The following VPS45 variants were observed in gnomAD, a reference collection of about 807,000 sequenced individuals.
VPS45 encodes the protein vacuolar protein sorting-associated protein 45.
VPS45 carries 35 observed loss-of-function variants against 75.9 expected under a neutral mutation model. The observed-to-expected ratio is 0.46, with a 90% CI of 0.35 to 0.61. The LOEUF (loss-of-function observed/expected upper bound fraction) is 0.61, where lower values mean the gene tolerates loss of function less well. VPS45 is among the 20% of genes least tolerant of loss of function. The pLI is 0.00. For missense variants in VPS45, 559 were observed against 685.9 expected (o/e 0.81, Z 2.07); for synonymous variants, 220 against 238.2 (o/e 0.92, Z 0.70).
At chr1:150,127,250 G>A (rs782292585) in intron 14 of VPS45, among the ~76,000 whole-genome samples, 5 of 151,894 alleles carry the variant, frequency 3.3e-5, no homozygotes, top group Non-Finnish European at 7.4e-5. Flanking sequence ...ATGTGGCCAC[G>A]AGAACATTTG....
intron 14 of VPS45, among the ~76,000 whole-genome samples, chr1:150,131,689 A>AAAAG (rs1157836611): frequency 1.3e-5 from 2 of 150,926 alleles, no homozygotes; most frequent in African/African-American, 4.9e-5. Flanking sequence ...AAAAAAAAAA[A>AAAAG]AGTATTTTTA....
chr1:150,086,620 A>G (rs1265921280), intron 10 of VPS45, among the ~76,000 whole-genome samples: 2 of 152,276 alleles, frequency 1.3e-5, no homozygotes, highest in South Asian at 2.1e-4. Flanking sequence ...CTAAAACAAC[A>G]TTTAGCCAGT....
chr1:150,105,866 C>G (rs1553805597), intron 13 of VPS45, among the ~76,000 whole-genome samples: 1 of 152,018 alleles, frequency 6.6e-6, no homozygotes, highest in African/African-American at 2.4e-5. Flanking sequence ...TATTATAAGG[C>G]TACAGTAACT....
chr1:150,095,273 G>A (rs1319444602), intron 13 of VPS45, among the ~76,000 whole-genome samples: 2 of 152,164 alleles, frequency 1.3e-5, no homozygotes, highest in Non-Finnish European at 2.9e-5. Context: ...TTTAGATGGA[G>A]AGAGAACCTC....
At chr1:150,125,154 A>G (rs185095792) in intron 14 of VPS45, among the ~76,000 whole-genome samples, 2,129 of 144,648 alleles carry the variant, frequency 0.015, 50 homozygotes, top group African/African-American at 0.053. Context: ...TTTAATTGAC[A>G]TGTAATAATT....
intron 13 of VPS45, among the ~76,000 whole-genome samples, chr1:150,104,666 C>T (rs587648118): frequency 2.6e-4 from 39 of 152,252 alleles, no homozygotes; most frequent in Non-Finnish European, 5.3e-4. Context: ...CCTTCCCAGG[C>T]TCAAGTGATC....
chr1:150,067,480 A>C (rs893235392), upstream of VPS45: 5 of 224,404 alleles, frequency 2.2e-5, no homozygotes, highest in Admixed American at 5.6e-5. Context: ...CTTCCAAGCA[A>C]ACCTTGTGCC....
At chr1:150,082,026 A>G in intron 9 of VPS45, 29 bp downstream of exon 9, 3 of 1,408,842 alleles carry the variant, frequency 2.1e-6, no homozygotes, top group Non-Finnish European at 2.0e-6. Flanking sequence ...TGAATGACAA[A>G]CATGTGACAG....
rs150855279 is a variant in VPS45, at chr1:150,098,181, A to T, written c.1493+4533A>T. Among the ~76,000 whole-genome samples, 6 of 152,288 alleles carry T rather than the reference A, an allele frequency of 3.9e-5. No individual in the cohort carries two copies. The East Asian group carries it at 1.2e-3, about 29-fold the overall frequency. ...ATTATTTCTGAAAGAATAATCAAGA[A>T]GTTGTTAATAGTCGTTACCTCTGGA... is the stretch of plus-strand genomic sequence containing the variant. On this transcript the variant is annotated intron_variant, in intron 13 of 14. Transcript: ENST00000644510.
chr1:150,104,141 T>C (rs1657187706), intron 13 of VPS45, among the ~76,000 whole-genome samples: 1 of 152,206 alleles, frequency 6.6e-6, no homozygotes, highest in South Asian at 2.1e-4. Flanking sequence ...ACATAGTCTG[T>C]AACTATCTGG....
At chr1:150,110,678 A>G in intron 14 of VPS45, 51 bp downstream of exon 14, 1 of 1,524,346 alleles carries the variant, frequency 6.6e-7, no homozygotes, top group Non-Finnish European at 8.9e-7. Flanking sequence ...CAGAGGATAA[A>G]GCTTAAATTC....
At chr1:150,097,713 C>T (rs782118337) in intron 13 of VPS45, among the ~76,000 whole-genome samples, 3 of 151,356 alleles carry the variant, frequency 2.0e-5, no homozygotes, top group Admixed American at 6.6e-5. Context: ...AGCAAGGCTC[C>T]GTCTCAAAAC....
intron 13 of VPS45, among the ~76,000 whole-genome samples, chr1:150,095,049 G>A (rs1656543337): frequency 2.0e-5 from 3 of 152,206 alleles, no homozygotes; most frequent in Non-Finnish European, 4.4e-5. Flanking sequence ...TTACACAACA[G>A]ATGTTGATTG....
intron 8 of VPS45, 73 bp downstream of exon 8, chr1:150,081,549 A>G (rs1655711562): frequency 8.6e-6 from 13 of 1,511,644 alleles, no homozygotes; most frequent in East Asian, 4.7e-5. Context: ...GCTTGTTAGT[A>G]TAGGGGCAGG....
intron 3 of VPS45, among the ~76,000 whole-genome samples, chr1:150,075,047 A>T (rs72692893): frequency 1.5e-5 from 2 of 136,296 alleles, no homozygotes; most frequent in Non-Finnish European, 3.0e-5. Context: ...TGTAACCTCA[A>T]CTTCCCAGGT....
Position 150,118,646 on chromosome 1 carries a change from T to C in VPS45, c.1625+8019T>C, listed in dbSNP as rs587760965. ...GTCTCGAACTCTGGACCTCAAGTGA[T>C]CCACCTGCCTTGGCCTCCCAAAGTG... On this transcript the variant is annotated intron_variant, in intron 14 of 14. Coordinates refer to ENST00000644510, the MANE Select transcript of VPS45 (RefSeq NM_007259.5). Among the ~76,000 whole-genome samples the C allele has an allele frequency of 1.2e-3, 184 of 152,286 alleles. 1 individual carries two copies. The highest frequency in any genetic ancestry group is 4.2e-3 in the African/African-American group (175 of 41,564).
chr1:150,076,077 T>TATATAA (rs1553798003), intron 3 of VPS45, among the ~76,000 whole-genome samples, 156 bp from the exon 4 acceptor site: 2 of 148,720 alleles, frequency 1.3e-5, no homozygotes, highest in African/African-American at 5.0e-5. Flanking sequence ...TATATATATA[T>TATATAA]ATATATAAAA....
chr1:150,068,737 G>A lies in VPS45; in HGVS notation c.201G>A (p.Lys67=), dbSNP rs782546296. 122 of 1,612,068 alleles carry A rather than the reference G, an allele frequency of 7.6e-5. No homozygotes were observed. The highest frequency in any genetic ancestry group is 1.0e-4 in the Non-Finnish European group (119 of 1,179,126). ...SQNREIMKHL[K]AICFLRPTKE... is the part of the protein sequence containing the mutation. The stretch of plus-strand genomic sequence containing the variant: ...ATCGAGAGATCATGAAACACCTGAA[G>A]GCAATTTGTTTTCTTCGACCTACAA... The change falls in exon 2 of 15, where the codon AAG becomes AAA. Residue 67 remains lysine, a synonymous_variant. Coordinates refer to ENST00000644510, the MANE Select transcript of VPS45 (RefSeq NM_007259.5).
At chr1:150,082,261 CTTTGGGAG>C (rs1655756298) in intron 9 of VPS45, among the ~76,000 whole-genome samples, 1 of 152,186 alleles carries the variant, frequency 6.6e-6, no homozygotes, top group East Asian at 1.9e-4. Context: ...AATCCCAGCA[CTTTGGGAG>C]GCCGAGGCGG....
Sources: gnomAD v4.1 joint callset for allele counts (sites outside exome capture counted in the v4.1 genomes callset) on GRCh38, gnomAD v4.1.1 for gene constraint, MANE v1.5 for transcripts, NCBI Gene and HGNC (gene_info 2026-07-23, HGNC 2026-07-21) for gene names.